SFXN4: variants seen among roughly 807,000 people sequenced by gnomAD.
The protein encoded by SFXN4 is sideroflexin-4.
A neutral mutation model predicts 54.6 loss-of-function variants in SFXN4; 48 were observed. The ratio of observed to expected loss-of-function variants is 0.88; its 90% CI spans 0.70 to 1.12. The LOEUF (loss-of-function observed/expected upper bound fraction) is 1.12, where lower values mean the gene tolerates loss of function less well. Ranked by LOEUF, SFXN4 falls within the 50% of genes most tolerant of loss-of-function variation. The pLI, the probability that SFXN4 is intolerant of heterozygous loss-of-function variation, is 0.00. For missense variants in SFXN4, 383 were observed against 409.2 expected, an observed-to-expected ratio of 0.94 and a Z score of 0.55; for synonymous variants, 130 against 145.5, an observed-to-expected ratio of 0.89 and a Z score of 0.77.
Position 119,160,907 on chromosome 10 carries a change from CA to C in SFXN4, c.334+7del. ...CCAACCCACTTCTGAAAATTAGAAC[CA>C]ACTCACCTGCAGGTCGAAAAAGCTT... On this transcript the variant is annotated splice_region_variant and intron_variant, in intron 5 of 13. Transcript: ENST00000355697. 6.2e-7 allele frequency: 1 copy of C among 1,613,896 alleles called. No individual in the cohort carries two copies. Among genetic ancestry groups the C allele is most frequent in the Non-Finnish European group, 8.5e-7 (1 of 1,179,864 alleles).
intron 2 of SFXN4, among the ~76,000 whole-genome samples, chr10:119,163,087 CA>C (rs1564829125): frequency 1.3e-5 from 2 of 152,106 alleles, no homozygotes; most frequent in African/African-American, 4.8e-5. Flanking sequence ...CATGAGCCAC[CA>C]CAGCCAGCCT....
intron 11 of SFXN4, among the ~76,000 whole-genome samples, chr10:119,152,405 G>A (rs1047447982): frequency 4.0e-5 from 6 of 151,494 alleles, no homozygotes; most frequent in East Asian, 2.0e-4. Flanking sequence ...TCAGCCTCCC[G>A]AGTAGCTGGG....
intron 12 of SFXN4, 75 bp from the exon 13 acceptor site, chr10:119,146,428 CGTGTGTGTGTGTGTGTGTGT>C (rs56031432): frequency 1.1e-5 from 6 of 558,884 alleles, no homozygotes; most frequent in East Asian, 3.2e-5. Context: ...TGAATCAGGG[CGTGTGTGTGTGTGTGTGTGT>C]GTGTGTGTGT....
intron 12 of SFXN4, among the ~76,000 whole-genome samples, chr10:119,147,332 C>T (rs1437621843): frequency 2.6e-5 from 4 of 152,206 alleles, no homozygotes; most frequent in African/African-American, 4.8e-5. Context: ...CCAGGTCCTC[C>T]GCCTCGTAGG....
chr10:119,165,458 G>T, intron 1 of SFXN4, 79 bp downstream of exon 1: 1 of 1,423,092 alleles, frequency 7.0e-7, no homozygotes. Context: ...GCCTGGCCAA[G>T]GTCACCCGGG....
At chr10:119,158,562 G>A (rs1225430987) in intron 6 of SFXN4, among the ~76,000 whole-genome samples, 1 of 137,152 alleles carries the variant, frequency 7.3e-6, no homozygotes, top group African/African-American at 2.8e-5. Flanking sequence ...GTTGCAATGA[G>A]CCAAGATCAT....
intron 13 of SFXN4, among the ~76,000 whole-genome samples, 179 bp downstream of exon 13, chr10:119,146,057 C>T (rs1286115849): frequency 6.6e-6 from 1 of 152,152 alleles, no homozygotes; most frequent in Admixed American, 6.5e-5. Flanking sequence ...AACTCCTGGG[C>T]TCAAGCAATC....
chr10:119,162,476 G>C (rs990025245), intron 2 of SFXN4, 62 bp from the exon 3 acceptor site: 8 of 1,409,170 alleles, frequency 5.7e-6, no homozygotes, highest in Non-Finnish European at 8.0e-6. Context: ...TATCCCCAGA[G>C]GTAGGAATCA....
chr10:119,154,939 A>T, intron 11 of SFXN4, 123 bp downstream of exon 11: 1 of 656,176 alleles, frequency 1.5e-6, no homozygotes, highest in South Asian at 1.9e-5. Context: ...CTCTCTCAGC[A>T]TGCTAAGGAA....
At chr10:119,156,822 G>C in intron 9 of SFXN4, 66 bp from the exon 10 acceptor site, 1 of 1,220,450 alleles carries the variant, frequency 8.2e-7, no homozygotes, top group Non-Finnish European at 1.2e-6. Context: ...CTACTCACTA[G>C]CAGAGAGGTC....
chr10:119,149,998 G>A (rs1172093054), intron 11 of SFXN4, among the ~76,000 whole-genome samples: 1 of 152,166 alleles, frequency 6.6e-6, no homozygotes, highest in Non-Finnish European at 1.5e-5. Context: ...CCTGAAATTG[G>A]ACCAACCGTG....
At chr10:119,159,549 G>A (rs1307359362) in intron 6 of SFXN4, among the ~76,000 whole-genome samples, 179 bp downstream of exon 6, 1 of 151,238 alleles carries the variant, frequency 6.6e-6, no homozygotes, top group Non-Finnish European at 1.5e-5. Context: ...GGGAGGGGGA[G>A]GGAGTGGGGA....
At chr10:119,159,224 G>C (rs570556424) in intron 6 of SFXN4, among the ~76,000 whole-genome samples, 1 of 151,970 alleles carries the variant, frequency 6.6e-6, no homozygotes. Context: ...AGGTTGCAGC[G>C]AGCTGAGATT....
At chr10:119,153,413 AAAAG>A (rs1232241917) in intron 11 of SFXN4, among the ~76,000 whole-genome samples, 43 of 151,870 alleles carry the variant, frequency 2.8e-4, no homozygotes, top group Non-Finnish European at 5.6e-4. Flanking sequence ...AAAAAAAAAA[AAAAG>A]AAAGAAAAGA....
chr10:119,152,534 G>A (rs773237138), intron 11 of SFXN4, among the ~76,000 whole-genome samples: 10 of 151,974 alleles, frequency 6.6e-5, no homozygotes, highest in Non-Finnish European at 1.0e-4. Context: ...TCCAACTTAC[G>A]GGTGGTTTGT....
intron 11 of SFXN4, among the ~76,000 whole-genome samples, chr10:119,150,094 G>A (rs1456805849): frequency 2.0e-5 from 3 of 152,148 alleles, no homozygotes; most frequent in Non-Finnish European, 4.4e-5. Flanking sequence ...GGAAGTGATA[G>A]AAGAATGCTT....
chr10:119,162,950 T>A (rs1847617033), intron 2 of SFXN4, among the ~76,000 whole-genome samples: 1 of 151,998 alleles, frequency 6.6e-6, no homozygotes, highest in African/African-American at 2.4e-5. Flanking sequence ...CACAACCCAC[T>A]ACACCTGGCT....
chr10:119,154,110 G>A (rs571201113), intron 11 of SFXN4, among the ~76,000 whole-genome samples: 1 of 151,786 alleles, frequency 6.6e-6, no homozygotes, highest in South Asian at 2.1e-4. Flanking sequence ...CCCAGGAAGC[G>A]GAGGTTGCAG....
chr10:119,152,228 G>T (rs1002440157), intron 11 of SFXN4, among the ~76,000 whole-genome samples: 4 of 21,872 alleles, frequency 1.8e-4, no homozygotes, highest in African/African-American at 3.6e-4. Context: ...TCTCTTTCGG[G>T]CGTTTTTTTT....
Sources: gnomAD v4.1 joint callset for allele counts (sites outside exome capture counted in the v4.1 genomes callset) on GRCh38, gnomAD v4.1.1 for gene constraint, MANE v1.5 for transcripts, NCBI Gene and HGNC (gene_info 2026-07-23, HGNC 2026-07-21) for gene names.